XPNPEP3: variants seen among roughly 807,000 people sequenced by gnomAD.
The protein encoded by XPNPEP3 is xaa-Pro aminopeptidase 3.
A neutral mutation model predicts 60.0 loss-of-function variants in XPNPEP3; 41 were observed. That is an observed-to-expected ratio of 0.68 (90% confidence interval 0.53 to 0.89). The LOEUF (loss-of-function observed/expected upper bound fraction) is 0.89. Ranked by LOEUF, XPNPEP3 falls within the 40% of genes least tolerant of loss-of-function variation. XPNPEP3 has a pLI of 0.00. For synonymous variants in XPNPEP3, 212 were observed against 223.2 expected, an observed-to-expected ratio of 0.95 and a Z score of 0.45; for missense variants, 598 against 638.9, an observed-to-expected ratio of 0.94 and a Z score of 0.69.
chr22:40,884,227 A>G (rs933779697), intron 3 of XPNPEP3, among the ~76,000 whole-genome samples: 1 of 152,076 alleles, frequency 6.6e-6, no homozygotes, highest in Non-Finnish European at 1.5e-5. Flanking sequence ...CTTTTTTCTT[A>G]CATTAGTTGC....
In XPNPEP3 at chr22:40,926,554, T is replaced by C; in HGVS notation, c.*119T>C. ...AATATATGCATTCCATTTGGGAGCATAGCAGCTGTGTGAATGTATGTAATT... is the reference window on the plus strand; with the variant it reads ...AATATATGCATTCCATTTGGGAGCACAGCAGCTGTGTGAATGTATGTAATT... On this transcript the variant is annotated 3_prime_UTR_variant, in exon 10 of 10. Coordinates refer to ENST00000357137, the MANE Select transcript of XPNPEP3 (RefSeq NM_022098.4). 1 of 1,275,590 alleles carries C rather than the reference T, an allele frequency of 7.8e-7. No homozygotes were observed. The highest frequency in any genetic ancestry group is 2.6e-4 in the Middle Eastern group (1 of 3,870). 79.0% of individuals were successfully genotyped at this position (1,275,590 alleles called of 1,614,324 possible).
In XPNPEP3 at chr22:40,932,246, G is replaced by A. The variant is rs774044043; in HGVS notation, c.*5811G>A. The A allele has an allele frequency of 3.3e-5, 5 of 151,986 alleles. No homozygotes were observed. The highest frequency in any genetic ancestry group is 7.2e-5 in the African/African-American group (3 of 41,388). 9.4% of individuals were successfully genotyped at this position (151,986 alleles called of 1,614,324 possible). A position where few individuals can be genotyped will look rare whatever the true frequency, so the allele number is the denominator to read the frequency against. ...TGTCTGATAGCTGAGAATGTAATTC[G>A]TTTGTGTGTCTATTAGAAAATTAGG... On this transcript the variant is annotated 3_prime_UTR_variant, in exon 10 of 10. Transcript: ENST00000357137.
chr22:40,883,104 A>G (rs936583720), intron 3 of XPNPEP3, among the ~76,000 whole-genome samples: 8 of 152,210 alleles, frequency 5.3e-5, no homozygotes, highest in Non-Finnish European at 7.3e-5. Flanking sequence ...CCACTCTTCA[A>G]GATTACTGAC....
At chr22:40,899,603 C>G (rs2058123299) in intron 4 of XPNPEP3, among the ~76,000 whole-genome samples, 1 of 151,922 alleles carries the variant, frequency 6.6e-6, no homozygotes, top group African/African-American at 2.4e-5. Context: ...AGGTGGATCA[C>G]GAGGTCAAGA....
chr22:40,884,799 G>T (rs1243519683), intron 3 of XPNPEP3, among the ~76,000 whole-genome samples: 1 of 151,766 alleles, frequency 6.6e-6, no homozygotes, highest in Non-Finnish European at 1.5e-5. Context: ...GCCAAGGGAG[G>T]TGGATTGCCT....
At chr22:40,917,470 G>A (rs1212975039) in intron 7 of XPNPEP3, 1 of 152,156 alleles carries the variant, frequency 6.6e-6, no homozygotes, top group African/African-American at 2.4e-5. Flanking sequence ...GGAGGAGATG[G>A]TAATGAAAAT....
At chr22:40,879,799 G>A (rs2058040440) in intron 2 of XPNPEP3, among the ~76,000 whole-genome samples, 1 of 151,972 alleles carries the variant, frequency 6.6e-6, no homozygotes, top group Non-Finnish European at 1.5e-5. Flanking sequence ...GTGAGATCAC[G>A]CCACTGCCCT....
chr22:40,866,395 GAA>G (rs1215622500), intron 1 of XPNPEP3, among the ~76,000 whole-genome samples: 3 of 151,998 alleles, frequency 2.0e-5, no homozygotes, highest in Non-Finnish European at 4.4e-5. Context: ...GTAGGTGTGA[GAA>G]GAGTAAGAGA....
At chr22:40,906,735 T>C (rs1308503046) in intron 4 of XPNPEP3, among the ~76,000 whole-genome samples, 1 of 152,190 alleles carries the variant, frequency 6.6e-6, no homozygotes, top group Admixed American at 6.5e-5. Context: ...AAATAACAAA[T>C]GTATATCTTA....
intron 2 of XPNPEP3, among the ~76,000 whole-genome samples, chr22:40,872,425 G>C (rs2058009775): frequency 6.6e-6 from 1 of 151,880 alleles, no homozygotes; most frequent in Non-Finnish European, 1.5e-5. Flanking sequence ...ATGTAGGAAG[G>C]CAAGTGGCAT....
chr22:40,900,794 G>A (rs1418749173), intron 4 of XPNPEP3, among the ~76,000 whole-genome samples: 2 of 151,608 alleles, frequency 1.3e-5, no homozygotes, highest in East Asian at 1.9e-4. Context: ...TTAGCTGGGT[G>A]TGGTGGCATG....
In XPNPEP3 at chr22:40,927,060, C is replaced by A. The variant is rs2058236923; in HGVS notation, c.*625C>A. 6.5e-6 allele frequency: 1 copy of A among 154,638 alleles called. No individual in the cohort carries two copies. The allele number at this position is 154,638 out of a possible 1,614,324, so 9.6% of individuals were successfully genotyped here. On this transcript the variant is annotated 3_prime_UTR_variant, in exon 10 of 10. Coordinates refer to ENST00000357137, the MANE Select transcript of XPNPEP3 (RefSeq NM_022098.4). Reference sequence around the variant, plus strand: ...AGGTTCCAGCAACACTAGCTACCTACCAAACAAAACACTTCTGAGCTTTTC... The same window carrying A: ...AGGTTCCAGCAACACTAGCTACCTAACAAACAAAACACTTCTGAGCTTTTC...
intron 2 of XPNPEP3, among the ~76,000 whole-genome samples, chr22:40,875,245 A>T (rs1413544333): frequency 6.6e-6 from 1 of 152,000 alleles, no homozygotes; most frequent in East Asian, 1.9e-4. Flanking sequence ...GCATGATCAT[A>T]TCTCACTGCA....
rs766458439 is a variant in XPNPEP3, at chr22:40,929,977, A to G, written c.*3542A>G. ...AGTTTGCTGGTCTCTTACATTTAAT[A>G]AAGCTGGGACTTGAAGACTTACCAT... On this transcript the variant is annotated 3_prime_UTR_variant, in exon 10 of 10. Transcript: ENST00000357137. The G allele has an allele frequency of 2.6e-5, 4 of 152,172 alleles. No homozygotes were observed. The highest frequency in any genetic ancestry group is 5.9e-5 in the Non-Finnish European group (4 of 68,026). The allele number at this position is 152,172 out of a possible 1,614,324, so 9.4% of individuals were successfully genotyped here.
chr22:40,861,980 A>C (rs2057952472), intron 1 of XPNPEP3: 2 of 1,595,640 alleles, frequency 1.3e-6, no homozygotes, highest in African/African-American at 2.7e-5. Context: ...CTAGAACTTC[A>C]TAGTAATCCA....
intron 4 of XPNPEP3, 33 bp downstream of exon 4, chr22:40,886,548 G>C: frequency 1.9e-6 from 3 of 1,603,958 alleles, no homozygotes; most frequent in Non-Finnish European, 1.7e-6. Flanking sequence ...TTTTCCAGCC[G>C]GGCGCGGTGG....
intron 4 of XPNPEP3, among the ~76,000 whole-genome samples, chr22:40,901,411 A>G (rs964234867): frequency 6.6e-6 from 1 of 151,016 alleles, no homozygotes; most frequent in East Asian, 2.0e-4. Context: ...ATTTTTGTAT[A>G]TTTAGTAGAG....
intron 4 of XPNPEP3, among the ~76,000 whole-genome samples, chr22:40,897,520 T>G (rs2058113591): frequency 6.6e-6 from 1 of 151,968 alleles, no homozygotes; most frequent in African/African-American, 2.4e-5. Context: ...TTTCTTTTTT[T>G]GAGACAGAGT....
chr22:40,887,805 G>A (rs1338472526), intron 4 of XPNPEP3, among the ~76,000 whole-genome samples: 28 of 151,478 alleles, frequency 1.8e-4, no homozygotes, highest in Admixed American at 1.8e-3. Context: ...AAAGCCCCCC[G>A]AGAGTTTTCA....
Sources: allele counts gnomAD v4.1 joint callset (sites outside exome capture counted in the v4.1 genomes callset), GRCh38; gene constraint gnomAD v4.1.1; transcripts MANE v1.5; gene names NCBI Gene and HGNC (gene_info 2026-07-23, HGNC 2026-07-21).